Variants in XIRP2 observed in about 807,000 individuals in gnomAD.
XIRP2 encodes xin actin-binding repeat-containing protein 2.
Under a neutral mutation model 277.0 loss-of-function variants are expected in XIRP2, and 236 were observed. The ratio of observed to expected loss-of-function variants is 0.85; its 90% CI spans 0.77 to 0.95. The LOEUF is 0.95. Among genes scored for constraint, XIRP2 ranks in the 40% least tolerant of loss-of-function variants. The pLI is 0.00. For synonymous variants in XIRP2, 1,490 were observed against 1,416.5 expected, an observed-to-expected ratio of 1.05 and a Z score of -1.17; for missense variants, 4,640 against 4,157.5, an observed-to-expected ratio of 1.12 and a Z score of -3.19.
At position 167,136,210 on chromosome 2, in the gene XIRP2, T is replaced by C. The variant is rs1322788118; in HGVS notation, c.562+148T>C. ...TTTAGGAAATACAATTTAGGAAAAA[T>C]AGAGGTGTTTATAAATGCTTCTATC... On this transcript the variant is annotated intron_variant, in intron 3 of 10. Coordinates refer to ENST00000409195, the MANE Select transcript of XIRP2 (RefSeq NM_152381.6). 5 of 694,908 alleles carry C rather than the reference T, an allele frequency of 7.2e-6. 1 individual carries two copies. In the East Asian group the frequency reaches 1.0e-4, roughly 14 times the overall value. The allele number at this position is 694,908 out of a possible 1,614,324, so 43.0% of individuals were successfully genotyped here.
chr2:167,013,381 CTCTT>C (rs1366954454), intron 2 of XIRP2, among the ~76,000 whole-genome samples: 1 of 151,294 alleles, frequency 6.6e-6, no homozygotes, highest in Middle Eastern at 3.2e-3. Flanking sequence ...CAAGTTGATC[CTCTT>C]TCTTATATAC....
chr2:167,063,093 T>C (rs893524579), intron 2 of XIRP2, among the ~76,000 whole-genome samples: 2 of 152,010 alleles, frequency 1.3e-5, no homozygotes, highest in Admixed American at 1.3e-4. Context: ...TAAATTTCCC[T>C]CTAAAAACTG....
At chr2:167,084,895 C>G (rs1055062454) in intron 2 of XIRP2, among the ~76,000 whole-genome samples, 8 of 151,364 alleles carry the variant, frequency 5.3e-5, no homozygotes, top group Admixed American at 3.3e-4. Context: ...AAAACCAGCT[C>G]CTGGATTCAT....
At chr2:167,146,023 C>A (rs1691854978) in intron 3 of XIRP2, among the ~76,000 whole-genome samples, 1 of 151,164 alleles carries the variant, frequency 6.6e-6, no homozygotes, top group Admixed American at 6.6e-5. Flanking sequence ...AAAAGTGTAT[C>A]ATGAAAAATA....
chr2:167,042,151 T>G (rs916802426), intron 2 of XIRP2, among the ~76,000 whole-genome samples: 2 of 152,152 alleles, frequency 1.3e-5, no homozygotes, highest in Admixed American at 6.5e-5. Flanking sequence ...AGGGAATTCA[T>G]TACGACCAGA....
chr2:167,062,272 A>G (rs1041159726), intron 2 of XIRP2, among the ~76,000 whole-genome samples: 1 of 152,138 alleles, frequency 6.6e-6, no homozygotes, highest in Non-Finnish European at 1.5e-5. Context: ...AAATGTTGCA[A>G]ATTAGTTTTT....
chr2:167,170,350 T>C (rs1692651644), intron 3 of XIRP2, among the ~76,000 whole-genome samples: 1 of 152,108 alleles, frequency 6.6e-6, no homozygotes, highest in African/African-American at 2.4e-5. Context: ...TTCCCTCTAT[T>C]TTTCTGAAAA....
intron 3 of XIRP2, among the ~76,000 whole-genome samples, chr2:167,155,684 C>T (rs1692173434): frequency 6.6e-6 from 1 of 151,824 alleles, no homozygotes; most frequent in Admixed American, 6.6e-5. Context: ...TGAAAACTGG[C>T]ACAAGACAGG....
At chr2:166,930,562 T>C (rs1310962388) in intron 2 of XIRP2, among the ~76,000 whole-genome samples, 1 of 152,134 alleles carries the variant, frequency 6.6e-6, no homozygotes, top group Non-Finnish European at 1.5e-5. Flanking sequence ...ATGTAGAAAC[T>C]TGATTGTATG....
chr2:167,249,387 C>T lies in XIRP2; in HGVS notation c.7995C>T (p.Asp2665=). The T allele has an allele frequency of 6.2e-7, 1 of 1,613,716 alleles. No homozygotes were observed. Among genetic ancestry groups the T allele is most frequent in the Non-Finnish European group, 8.5e-7 (1 of 1,179,804 alleles). Residue 2665 remains aspartate (D), a synonymous_variant, in exon 9 of 11, where the codon GAC becomes GAT. Coordinates refer to ENST00000409195, the MANE Select transcript of XIRP2 (RefSeq NM_152381.6). The stretch of plus-strand genomic sequence containing the variant: ...AGGAAGTTTTACAAAGCTCAAGGGA[C>T]ATTATGCAATCCAAATCAGCTTGCG... ...MKKEVLQSSR[D]IMQSKSACEI... is the part of the protein sequence containing the mutation.
At chr2:167,101,611 G>A (rs779778674) in intron 2 of XIRP2, among the ~76,000 whole-genome samples, 8 of 152,090 alleles carry the variant, frequency 5.3e-5, no homozygotes, top group Non-Finnish European at 1.0e-4. Context: ...TCGCATAATG[G>A]TCTCCAATTC....
chr2:167,202,389 C>A lies in XIRP2; in HGVS notation c.563-8346C>A, dbSNP rs1410907855. Among the ~76,000 whole-genome samples the A allele has an allele frequency of 3.9e-5, 6 of 152,178 alleles. No homozygotes were observed. The Middle Eastern group carries it at 0.014, about 345-fold the overall frequency. On this transcript the variant is annotated intron_variant, in intron 3 of 10. Transcript: ENST00000409195. The stretch of plus-strand genomic sequence containing the variant: ...TCTTAATTCATAACTGCTCTAGTAC[C>A]AGAAGTACTTCCTATGAGATGATAG...
At chr2:167,014,422 A>G (rs1386858643) in intron 2 of XIRP2, among the ~76,000 whole-genome samples, 1 of 151,792 alleles carries the variant, frequency 6.6e-6, no homozygotes. Flanking sequence ...CCACAAAAGA[A>G]TACAATTCGA....
rs866271446 is a variant in XIRP2 at position 167,192,858 on chromosome 2, C to T, written c.563-17877C>T. Among the ~76,000 whole-genome samples, 16 of 152,208 alleles carry T rather than the reference C, an allele frequency of 1.1e-4. No individual in the cohort carries two copies. The South Asian group carries it at 2.5e-3, about 24-fold the overall frequency. On this transcript the variant is annotated intron_variant, in intron 3 of 10. Transcript: ENST00000409195. ...AGCTTGATCCCCTCCAGTTTTCCTC[C>T]GTAGCATCTCAGTTTGCTCAGAGCG...
At chr2:167,048,066 A>G (rs570327499) in intron 2 of XIRP2, among the ~76,000 whole-genome samples, 1 of 152,036 alleles carries the variant, frequency 6.6e-6, no homozygotes, top group East Asian at 1.9e-4. Flanking sequence ...ATACCATCAC[A>G]TTGGGAATTA....
In XIRP2 at chr2:167,258,716, A is replaced by C. The variant is rs761505387; in HGVS notation, c.*899A>C. On this transcript the variant is annotated 3_prime_UTR_variant, in exon 11 of 11. Transcript: ENST00000409195. ...CTCATATCTGAATAATTGCAGGCAG[A>C]AGACATCTATTTTAGAATTTCTTGA... 1 of 1,613,330 alleles carries C rather than the reference A, an allele frequency of 6.2e-7. No homozygotes were observed. The highest frequency in any genetic ancestry group is 1.3e-5 in the African/African-American group (1 of 74,996).
At chr2:167,039,052 C>T (rs893983717) in intron 2 of XIRP2, among the ~76,000 whole-genome samples, 2 of 152,176 alleles carry the variant, frequency 1.3e-5, no homozygotes, top group East Asian at 3.9e-4. Flanking sequence ...CTATTTACTG[C>T]TTTCCCAAGA....
intron 2 of XIRP2, among the ~76,000 whole-genome samples, chr2:167,129,894 A>G (rs1228053375): frequency 2.6e-5 from 4 of 151,848 alleles, no homozygotes; most frequent in Non-Finnish European, 5.9e-5. Flanking sequence ...AAGAAAAGAA[A>G]AGAAAAATTA....
At chr2:167,068,232 T>C (rs948007792) in intron 2 of XIRP2, among the ~76,000 whole-genome samples, 24 of 152,130 alleles carry the variant, frequency 1.6e-4, no homozygotes, top group Admixed American at 6.6e-5. Context: ...CGTTTGATTA[T>C]TTTCTGTGGA....
Sources: allele counts gnomAD v4.1 joint callset (sites outside exome capture counted in the v4.1 genomes callset), GRCh38; gene constraint gnomAD v4.1.1; transcripts MANE v1.5; gene names NCBI Gene and HGNC (gene_info 2026-07-23, HGNC 2026-07-21).